Variants in CPQ observed in about 807,000 individuals in gnomAD.
CPQ encodes the protein carboxypeptidase Q.
CPQ carries 37 observed loss-of-function variants against 45.7 expected under a neutral mutation model. The observed-to-expected ratio is 0.81, with a 90% confidence interval of 0.62 to 1.07. The LOEUF (loss-of-function observed/expected upper bound fraction) is 1.07, where lower values mean the gene tolerates loss of function less well. Ranked by LOEUF, CPQ falls within the 50% of genes least tolerant of loss-of-function variation. The pLI is 0.00. For missense variants in CPQ, 537 were observed against 572.9 expected, an observed-to-expected ratio of 0.94 and a Z score of 0.64; for synonymous variants, 186 against 205.8, an observed-to-expected ratio of 0.90 and a Z score of 0.82.
chr8:96,988,055 A>G (rs889812143), intron 5 of CPQ, among the ~76,000 whole-genome samples: 1 of 152,216 alleles, frequency 6.6e-6, no homozygotes, highest in African/African-American at 2.4e-5. Context: ...TAGTTGATCT[A>G]TATCCAAAGA....
intron 4 of CPQ, among the ~76,000 whole-genome samples, chr8:96,896,523 T>C (rs1009848799): frequency 6.6e-6 from 1 of 152,288 alleles, no homozygotes; most frequent in African/African-American, 2.4e-5. Flanking sequence ...CTCAGTCTTT[T>C]TTCATTTATT....
At chr8:96,960,022 T>C (rs1813430155) in intron 4 of CPQ, among the ~76,000 whole-genome samples, 1 of 151,934 alleles carries the variant, frequency 6.6e-6, no homozygotes, top group Admixed American at 6.6e-5. Flanking sequence ...TTGACCAACA[T>C]GAATGTGGTC....
chr8:97,100,223 T>G (rs1252120859), intron 7 of CPQ, among the ~76,000 whole-genome samples: 1 of 152,208 alleles, frequency 6.6e-6, no homozygotes, highest in African/African-American at 2.4e-5. Context: ...CCAGAATTAT[T>G]TGTTGAACGA....
At chr8:97,029,578 A>G in intron 6 of CPQ, 84 bp downstream of exon 6, 3 of 1,266,938 alleles carry the variant, frequency 2.4e-6, no homozygotes, top group Non-Finnish European at 1.1e-6. Context: ...GACTTCAATA[A>G]TACTTTCTGG....
intron 7 of CPQ, among the ~76,000 whole-genome samples, chr8:97,126,837 T>C (rs924381971): frequency 6.6e-6 from 1 of 152,172 alleles, no homozygotes; most frequent in Non-Finnish European, 1.5e-5. Flanking sequence ...GGCATAAGAA[T>C]AGACAGATCA....
chr8:97,033,996 C>T (rs1809953349), intron 6 of CPQ, among the ~76,000 whole-genome samples: 1 of 152,012 alleles, frequency 6.6e-6, no homozygotes, highest in Middle Eastern at 3.2e-3. Context: ...TTAAAAGCTA[C>T]CTTTACTTCA....
chr8:96,770,758 C>T (rs1234576457), intron 1 of CPQ, among the ~76,000 whole-genome samples: 5 of 146,888 alleles, frequency 3.4e-5, no homozygotes, highest in Non-Finnish European at 7.5e-5. Flanking sequence ...TAGTATTGAA[C>T]CGACAGTAGG....
chr8:96,814,206 A>G (rs992950013), intron 2 of CPQ, among the ~76,000 whole-genome samples: 1 of 152,152 alleles, frequency 6.6e-6, no homozygotes, highest in Non-Finnish European at 1.5e-5. Context: ...CAGAAAGCCA[A>G]TTGATTGGTT....
At position 96,831,647 on chromosome 8, in the gene CPQ, A is replaced by G. The variant is rs546241945; in HGVS notation, c.434-3326A>G. 2.6e-5 allele frequency among the ~76,000 whole-genome samples: 4 copies of G among 152,274 alleles called. 1 individual carries two copies. The highest frequency in any genetic ancestry group is 3.9e-4 in the East Asian group (2 of 5,170). On this transcript the variant is annotated intron_variant, in intron 2 of 7. Transcript: ENST00000220763. ...ATTCCATTTGAGCAAAAATCTTCCT[A>G]AAGTATTTTGTACACACCCTGCCTT...
rs116935114 is a variant in CPQ, at chr8:96,826,723, T to A, written c.434-8250T>A. ...TGGTTTGTTGCACCCATCAGCCCAT[T>A]ACCTAGGTATTAAGTCAAGCATGCA... On this transcript the variant is annotated intron_variant, in intron 2 of 7. Transcript: ENST00000220763. Among the ~76,000 whole-genome samples the A allele has an allele frequency of 3.1e-3, 476 of 151,986 alleles. 4 individuals are homozygous for A. The highest frequency in any genetic ancestry group is 4.4e-3 in the South Asian group (21 of 4,818).
At chr8:97,110,499 A>G (rs1164847738) in intron 7 of CPQ, among the ~76,000 whole-genome samples, 2 of 152,170 alleles carry the variant, frequency 1.3e-5, no homozygotes, top group East Asian at 3.8e-4. Flanking sequence ...TTGCCAGGTC[A>G]CAGGTTAAAT....
chr8:96,909,570 G>A (rs569065363), intron 4 of CPQ, among the ~76,000 whole-genome samples: 2 of 152,230 alleles, frequency 1.3e-5, no homozygotes, highest in Admixed American at 1.3e-4. Flanking sequence ...TCTGTCCATG[G>A]AGCTGGGGAT....
At chr8:97,055,915 C>A (rs929340484) in intron 6 of CPQ, among the ~76,000 whole-genome samples, 1 of 152,008 alleles carries the variant, frequency 6.6e-6, no homozygotes. Context: ...GCCTGGGCAA[C>A]CTGGCGAGAC....
At chr8:96,891,318 C>A (rs1812372137) in intron 4 of CPQ, among the ~76,000 whole-genome samples, 1 of 152,124 alleles carries the variant, frequency 6.6e-6, no homozygotes. Flanking sequence ...GGAAAAGGTC[C>A]AATATAATCG....
intron 3 of CPQ, among the ~76,000 whole-genome samples, chr8:96,840,992 G>C (rs777050551): frequency 2.0e-5 from 3 of 152,122 alleles, no homozygotes; most frequent in African/African-American, 7.2e-5. Context: ...CTTGTTGATG[G>C]GATGTCCCCC....
intron 5 of CPQ, among the ~76,000 whole-genome samples, chr8:97,023,557 C>G (rs1198143634): frequency 1.3e-5 from 2 of 152,192 alleles, no homozygotes; most frequent in Non-Finnish European, 2.9e-5. Context: ...CCTTTATGCA[C>G]TTGGAGTCAT....
intron 1 of CPQ, among the ~76,000 whole-genome samples, chr8:96,725,308 G>T (rs1490664839): frequency 1.3e-5 from 2 of 152,040 alleles, no homozygotes; most frequent in African/African-American, 4.8e-5. Context: ...CTACAGAAAG[G>T]GAGAAAGTAT....
chr8:96,817,906 C>T (rs1184426699), intron 2 of CPQ, among the ~76,000 whole-genome samples: 3 of 152,110 alleles, frequency 2.0e-5, no homozygotes, highest in African/African-American at 7.2e-5. Context: ...TGGGCCACCA[C>T]ACCTAGCCAG....
chr8:97,095,920 T>C (rs1339047735), intron 7 of CPQ, among the ~76,000 whole-genome samples: 2 of 152,200 alleles, frequency 1.3e-5, no homozygotes, highest in Admixed American at 1.3e-4. Context: ...TTGTTTTTCT[T>C]GTCACCAAAT....
Sources: gnomAD v4.1 joint callset for allele counts (sites outside exome capture counted in the v4.1 genomes callset) on GRCh38, gnomAD v4.1.1 for gene constraint, MANE v1.5 for transcripts, NCBI Gene and HGNC (gene_info 2026-07-23, HGNC 2026-07-21) for gene names.